The following EML6 variants were observed in gnomAD, a reference collection of about 807,000 sequenced individuals.
The protein encoded by EML6 is echinoderm microtubule-associated protein-like 6.
In EML6, 154 loss-of-function variants were observed where a neutral mutation model predicts 240.1. The ratio of observed to expected loss-of-function variants is 0.64; its 90% CI spans 0.56 to 0.73. The LOEUF (loss-of-function observed/expected upper bound fraction) is 0.73, where lower values mean the gene tolerates loss of function less well. EML6 is among the 30% of genes least tolerant of loss of function. EML6 has a pLI of 0.00. For synonymous variants in EML6, 1,148 were observed against 899.0 expected (o/e 1.28, Z -4.95); for missense variants, 2,964 against 2,474.6 (o/e 1.20, Z -4.20).
chr2:54,782,174 CA>C (rs775306569), intron 2 of EML6, among the ~76,000 whole-genome samples: 27 of 152,286 alleles, frequency 1.8e-4, no homozygotes, highest in Non-Finnish European at 3.8e-4. Context: ...CCTATCACTT[CA>C]AAAGTATCTT....
intron 7 of EML6, among the ~76,000 whole-genome samples, chr2:54,840,168 A>T (rs1194097249): frequency 6.6e-6 from 1 of 152,300 alleles, no homozygotes; most frequent in East Asian, 1.9e-4. Flanking sequence ...GGCCCTTGGG[A>T]CAAATTCAAG....
intron 16 of EML6, among the ~76,000 whole-genome samples, chr2:54,878,919 G>A (rs902552704): frequency 2.6e-5 from 4 of 152,116 alleles, no homozygotes. Flanking sequence ...AAATTGGGAA[G>A]ATTTAAAAAT....
chr2:54,945,856 G>A (rs909661148), intron 28 of EML6, among the ~76,000 whole-genome samples: 1 of 152,214 alleles, frequency 6.6e-6, no homozygotes, highest in Non-Finnish European at 1.5e-5. Flanking sequence ...GCAGCCCAGC[G>A]CTGGGCAGTG....
At chr2:54,880,122 G>T in intron 17 of EML6, 1 of 153,698 alleles carries the variant, frequency 6.5e-6, no homozygotes, top group East Asian at 1.9e-4. Flanking sequence ...CTAATCTTCC[G>T]TCTTATAAAT....
chr2:54,846,572 C>T (rs1406657310), intron 8 of EML6, among the ~76,000 whole-genome samples: 1 of 150,904 alleles, frequency 6.6e-6, no homozygotes, highest in South Asian at 2.1e-4. Context: ...CAACCTTGAA[C>T]TCCTAGGCTC....
intron 2 of EML6, among the ~76,000 whole-genome samples, chr2:54,792,747 G>A (rs141778863): frequency 4.5e-4 from 68 of 152,226 alleles, no homozygotes; most frequent in African/African-American, 1.5e-3. Context: ...AATACTATGG[G>A]CACTTTGGGA....
chr2:54,917,245 A>G (rs76721956), intron 26 of EML6, among the ~76,000 whole-genome samples: 7,628 of 152,146 alleles, frequency 0.05, 615 homozygotes, highest in African/African-American at 0.17. Flanking sequence ...GGATACTTCC[A>G]CAGATGAGGA....
intron 32 of EML6, among the ~76,000 whole-genome samples, chr2:54,956,768 G>A (rs376482354): frequency 6.6e-6 from 1 of 152,024 alleles, no homozygotes; most frequent in Non-Finnish European, 1.5e-5. Context: ...TGATGAGAAC[G>A]AAGAAGAAAA....
intron 26 of EML6, among the ~76,000 whole-genome samples, chr2:54,918,429 G>T (rs139769175): frequency 6.6e-6 from 1 of 152,238 alleles, no homozygotes; most frequent in African/African-American, 2.4e-5. Flanking sequence ...GCTCACTGCA[G>T]CCTCTACCTT....
At chr2:54,933,028 T>C (rs1286350107) in intron 28 of EML6, among the ~76,000 whole-genome samples, 1 of 152,190 alleles carries the variant, frequency 6.6e-6, no homozygotes, top group Non-Finnish European at 1.5e-5. Flanking sequence ...CAAATCTTGC[T>C]GCCAGGATTC....
Position 54,948,907 on chromosome 2 carries a change from C to T in EML6, c.4030C>T (p.Gln1344Ter), listed in dbSNP as rs555754197. 2 of 1,551,406 alleles carry T rather than the reference C, an allele frequency of 1.3e-6. No homozygotes were observed. Among genetic ancestry groups the T allele is most frequent in the Non-Finnish European group, 8.7e-7 (1 of 1,146,972 alleles). Residue 1344 changes from glutamine (Q) to a stop codon, truncating the protein, a stop_gained, in exon 29 of 42, where the codon CAG becomes TAG. Transcript: ENST00000356458. LOFTEE classifies it high-confidence loss of function. ...ERPPVSRAAP[Q>*]PEKLQKNNIT... ...ACCACCCGTTAGCCGAGCAGCTCCC[C>T]AGCCTGAGAAACTGCAGAAGAACAA...
At chr2:54,846,212 A>C (rs1205294679) in intron 8 of EML6, among the ~76,000 whole-genome samples, 3 of 152,134 alleles carry the variant, frequency 2.0e-5, no homozygotes, top group African/African-American at 7.2e-5. Flanking sequence ...GCTTGTGAGG[A>C]GCAACAGAGG....
chr2:54,928,079 T>G (rs185334987), intron 26 of EML6, among the ~76,000 whole-genome samples: 1 of 152,332 alleles, frequency 6.6e-6, no homozygotes, highest in Admixed American at 6.5e-5. Flanking sequence ...GGTTCTGTAG[T>G]CTAACATTTC....
At chr2:54,791,242 C>G (rs376395629) in intron 2 of EML6, among the ~76,000 whole-genome samples, 15 of 152,154 alleles carry the variant, frequency 9.9e-5, no homozygotes, top group Admixed American at 2.6e-4. Context: ...CATGCCTGAT[C>G]GGGAAGTGAC....
At chr2:54,790,330 G>A (rs1394124730) in intron 2 of EML6, among the ~76,000 whole-genome samples, 1 of 152,146 alleles carries the variant, frequency 6.6e-6, no homozygotes, top group Non-Finnish European at 1.5e-5. Context: ...GAGTTAACTA[G>A]GTTAATTTTT....
chr2:54,839,523 A>C (rs1473220397), intron 7 of EML6, among the ~76,000 whole-genome samples: 1 of 152,252 alleles, frequency 6.6e-6, no homozygotes, highest in African/African-American at 2.4e-5. Context: ...CATTAAGTTG[A>C]TATTGCAAGC....
chr2:54,795,965 T>A (rs1474231631), intron 2 of EML6, among the ~76,000 whole-genome samples: 1 of 152,160 alleles, frequency 6.6e-6, no homozygotes, highest in African/African-American at 2.4e-5. Flanking sequence ...CTGTTGGCAT[T>A]AAAAATCCAG....
intron 24 of EML6, among the ~76,000 whole-genome samples, chr2:54,906,622 G>C (rs1260618005): frequency 2.6e-5 from 4 of 152,246 alleles, no homozygotes; most frequent in Non-Finnish European, 4.4e-5. Context: ...GAGGGGGTCA[G>C]ACCAAGTGCT....
Position 54,967,071 on chromosome 2 carries a change from C to A in EML6, c.5565C>A (p.Val1855=). 1.9e-6 allele frequency: 3 copies of A among 1,551,374 alleles called. No individual in the cohort carries two copies. The South Asian group carries it at 3.6e-5, about 18-fold the overall frequency. The change falls in exon 39 of 42, where the codon GTC becomes GTA. Residue 1855 remains valine (V), a synonymous_variant. Transcript: ENST00000356458. ...GGAAGCAGGTAACTGAAGCCGTGGTCATTGAGAAGATCACCTGGGCCTCCT... is the reference window on the plus strand; with the variant it reads ...GGAAGCAGGTAACTGAAGCCGTGGTAATTGAGAAGATCACCTGGGCCTCCT... ...PLGKQVTEAV[V]IEKITWASWT... is the part of the protein sequence containing the mutation.
Sources: allele counts gnomAD v4.1 joint callset (sites outside exome capture counted in the v4.1 genomes callset), GRCh38; gene constraint gnomAD v4.1.1; transcripts MANE v1.5; gene names NCBI Gene and HGNC (gene_info 2026-07-23, HGNC 2026-07-21).